The following TSHZ3 variants were observed in gnomAD, a reference collection of about 807,000 sequenced individuals.
TSHZ3 encodes teashirt homolog 3.
Under a neutral mutation model 64.5 loss-of-function variants are expected in TSHZ3, and 10 were observed. The observed-to-expected ratio is 0.16, with a 90% CI of 0.10 to 0.26. TSHZ3 has a LOEUF of 0.26. TSHZ3 is among the 10% of genes least tolerant of loss of function. The pLI is 1.00. For missense variants in TSHZ3, 1,242 were observed against 1,421.7 expected (o/e 0.87, Z 2.03); for synonymous variants, 608 against 593.1 (o/e 1.03, Z -0.36).
At position 31,224,479 on chromosome 19, in the gene TSHZ3, C is replaced by T. The variant is rs533084477; in HGVS notation, n.686+3526G>A. 8.5e-5 allele frequency among the ~76,000 whole-genome samples: 13 copies of T among 152,288 alleles called. No individual in the cohort carries two copies. The South Asian group carries it at 1.9e-3, about 22-fold the overall frequency. On this transcript the variant is annotated intron_variant and non_coding_transcript_variant, in intron 4 of 6. Transcript: ENST00000651361. ...AGGGGGAAAAGGAAGTTTCAAGTGACGTTTGCTGTGAAGACAACCACTCCA... is the reference window on the plus strand; with the variant it reads ...AGGGGGAAAAGGAAGTTTCAAGTGATGTTTGCTGTGAAGACAACCACTCCA...
intron 1 of TSHZ3, among the ~76,000 whole-genome samples, chr19:31,342,199 G>A (rs1917458287): frequency 6.6e-6 from 1 of 152,168 alleles, no homozygotes; most frequent in African/African-American, 2.4e-5. Context: ...ATGCATTAGA[G>A]GTAAGCCAAA....
intron 4 of TSHZ3, among the ~76,000 whole-genome samples, chr19:31,219,137 A>G (rs1436078063): frequency 6.6e-6 from 1 of 152,158 alleles, no homozygotes; most frequent in African/African-American, 2.4e-5. Context: ...TTATGCTTTC[A>G]CCATACGTAT....
At chr19:31,221,871 C>T (rs765974896) in intron 4 of TSHZ3, among the ~76,000 whole-genome samples, 5 of 152,182 alleles carry the variant, frequency 3.3e-5, no homozygotes, top group African/African-American at 9.7e-5. Context: ...AGGTTTACCT[C>T]GCCCTCTGTC....
rs576996809 is a variant in TSHZ3 at position 31,308,643 on chromosome 19, A to G, written c.41-28891T>C. ...CCACAGGTACACAGGGGTAGTGTGA[A>G]GAGACTAGGGCAGCACGTTCTCCAC... On this transcript the variant is annotated intron_variant, in intron 1 of 1. Transcript: ENST00000240587. The G allele has an allele frequency of 1.0e-4, 40 of 398,558 alleles. No homozygotes were observed. The East Asian group carries it at 1.3e-3, about 13-fold the overall frequency. The allele number at this position is 398,558 out of a possible 1,614,324, so 24.7% of individuals were successfully genotyped here.
intron 5 of TSHZ3, among the ~76,000 whole-genome samples, chr19:31,191,098 T>C (rs1568342442): frequency 6.6e-6 from 1 of 151,894 alleles, no homozygotes; most frequent in Non-Finnish European, 1.5e-5. Flanking sequence ...TGTCAGAAAG[T>C]GAGGAAAATT....
chr19:31,158,531 T>A lies in TSHZ3; in HGVS notation n.810-2114A>T, dbSNP rs369633097. ...CTCTAGAATGGTGGTCCCCAGCCTTTTTGGTACTAGGGACTGGTTTCGTGG... is the reference window on the plus strand; with the variant it reads ...CTCTAGAATGGTGGTCCCCAGCCTTATTGGTACTAGGGACTGGTTTCGTGG... On this transcript the variant is annotated intron_variant and non_coding_transcript_variant, in intron 5 of 6. Transcript: ENST00000651361. Among the ~76,000 whole-genome samples, 8 of 152,132 alleles carry A rather than the reference T, an allele frequency of 5.3e-5. No individual in the cohort carries two copies. In the East Asian group the frequency reaches 1.5e-3, roughly 29 times the overall value.
chr19:31,308,014 T>C (rs980906238), intron 1 of TSHZ3, among the ~76,000 whole-genome samples: 2 of 152,266 alleles, frequency 1.3e-5, no homozygotes, highest in African/African-American at 4.8e-5. Context: ...GATAATGCAG[T>C]GTCTGTCATC....
chr19:31,299,041 G>A (rs867499273), intron 1 of TSHZ3, among the ~76,000 whole-genome samples: 1 of 152,114 alleles, frequency 6.6e-6, no homozygotes, highest in Middle Eastern at 3.2e-3. Flanking sequence ...CTAAAGGTAC[G>A]AAAATTAGCC....
At chr19:31,265,704 C>T (rs1976045926) in intron 1 of TSHZ3, among the ~76,000 whole-genome samples, 1 of 152,128 alleles carries the variant, frequency 6.6e-6, no homozygotes, top group Non-Finnish European at 1.5e-5. Context: ...GCCTGCTGCT[C>T]TGGGCCTGAA....
chr19:31,234,627 T>G (rs559911111), intron 3 of TSHZ3, among the ~76,000 whole-genome samples: 4 of 152,240 alleles, frequency 2.6e-5, no homozygotes, highest in African/African-American at 4.8e-5. Flanking sequence ...GCTGCATCTA[T>G]CTACTGGGAT....
intron 1 of TSHZ3, among the ~76,000 whole-genome samples, chr19:31,289,967 C>T (rs1976535871): frequency 1.3e-5 from 2 of 151,676 alleles, no homozygotes; most frequent in Non-Finnish European, 3.0e-5. Flanking sequence ...CATGGAAGTG[C>T]CTTACACGCT....
chr19:31,320,231 T>C (rs973434318), intron 1 of TSHZ3, among the ~76,000 whole-genome samples: 1 of 152,058 alleles, frequency 6.6e-6, no homozygotes, highest in Admixed American at 6.5e-5. Flanking sequence ...TGGGTAAATA[T>C]GACCCTGGAC....
chr19:31,278,207 G>A lies in TSHZ3; in HGVS notation c.1586C>T (p.Thr529Ile). The part of the protein sequence containing the change: ...GLDILKSLEN[T>I]VTSAINKAQN... ...GGCCTTGTTGATTGCGGATGTCACT[G>A]TGTTTTCCAAGGATTTGAGGATATC... The change falls in exon 2 of 2, where the codon ACA (threonine) becomes ATA (isoleucine). Residue 529 changes from threonine to isoleucine, a missense_variant. Coordinates refer to ENST00000240587, the MANE Select transcript of TSHZ3 (RefSeq NM_020856.4). This position sits in a 1 kb window ranked among gnomAD's most constrained non-coding sequence, Gnocchi z 4.7. 2 of 1,614,140 alleles carry A rather than the reference G, an allele frequency of 1.2e-6. No individual in the cohort carries two copies. Among genetic ancestry groups the A allele is most frequent in the Non-Finnish European group, 1.7e-6 (2 of 1,180,008 alleles).
chr19:31,329,737 A>G (rs1917023278), intron 1 of TSHZ3, among the ~76,000 whole-genome samples: 1 of 152,192 alleles, frequency 6.6e-6, no homozygotes, highest in Non-Finnish European at 1.5e-5. Context: ...GTGTTTGTGG[A>G]GAGAGAGGCA....
rs754151995 is a variant in TSHZ3 at position 31,278,751 on chromosome 19, T to C, written c.1042A>G (p.Thr348Ala). 1.2e-6 allele frequency: 2 copies of C among 1,614,090 alleles called. No homozygotes were observed. Among genetic ancestry groups the C allele is most frequent in the South Asian group, 1.1e-5 (1 of 91,082 alleles). The change falls in exon 2 of 2, where the codon ACC becomes GCC. Residue 348 changes from threonine to alanine, a missense_variant. Thr to Ala is a moderately conservative substitution (Grantham distance 58). Transcript: ENST00000240587. This position sits in a 1 kb window ranked among gnomAD's most constrained non-coding sequence, Gnocchi z 4.7. The part of the protein sequence containing the change: ...GGTPKATISD[T>A]NDALQKNSNP... ...GAGTTCTTCTGAAGTGCATCGTTGG[T>C]GTCTGAGATGGTGGCTTTGGGGGTT...
At chr19:31,332,978 G>A (rs1599654402) in intron 1 of TSHZ3, among the ~76,000 whole-genome samples, 2 of 152,036 alleles carry the variant, frequency 1.3e-5, no homozygotes, top group East Asian at 3.9e-4. Flanking sequence ...GATGGTGTGT[G>A]CCTGTGGTCC....
rs1174786817 is a variant in TSHZ3, at chr19:31,279,410, T to G, written c.383A>C (p.Asn128Thr). The G allele has an allele frequency of 6.2e-7, 1 of 1,613,892 alleles. No homozygotes were observed. The highest frequency in any genetic ancestry group is 1.3e-5 in the African/African-American group (1 of 74,856). ...GAGGTTGAGGTTGGACCAGTAGGAGTTGGAGAGGAAGTTGTTGTACACGGC... is the reference window on the plus strand; with the variant it reads ...GAGGTTGAGGTTGGACCAGTAGGAGGTGGAGAGGAAGTTGTTGTACACGGC... ...MKAVYNNFLSNSYWSNLNLNL... is the reference protein window; with the variant it reads ...MKAVYNNFLSTSYWSNLNLNL... The change falls in exon 2 of 2, where the codon AAC becomes ACC. Residue 128 changes from asparagine (N) to threonine (T), a missense_variant. Transcript: ENST00000240587. This position sits in a 1 kb window ranked among gnomAD's most constrained non-coding sequence, Gnocchi z 6.4.
At chr19:31,241,328 T>G (rs923416183) in intron 3 of TSHZ3, among the ~76,000 whole-genome samples, 10 of 152,206 alleles carry the variant, frequency 6.6e-5, no homozygotes, top group Admixed American at 6.5e-5. Flanking sequence ...TGGGACAAAT[T>G]AAGAATAGTT....
intron 1 of TSHZ3, among the ~76,000 whole-genome samples, chr19:31,304,555 T>C (rs761146782): frequency 8.6e-5 from 13 of 152,044 alleles, no homozygotes; most frequent in Non-Finnish European, 1.9e-4. Flanking sequence ...AACCTGAAAA[T>C]GTATAATTAA....
Sources: gnomAD v4.1 joint callset for allele counts (sites outside exome capture counted in the v4.1 genomes callset) on GRCh38, gnomAD v4.1.1 for gene constraint, Gnocchi (gnomAD v3.1) non-coding constraint, MANE v1.5 for transcripts, NCBI Gene and HGNC (gene_info 2026-07-23, HGNC 2026-07-21) for gene names.